The following PPP2R2C variants were observed in gnomAD, a reference collection of about 807,000 sequenced individuals.
PPP2R2C encodes protein phosphatase 2 regulatory subunit Bgamma.
In PPP2R2C, 10 loss-of-function variants were observed where a neutral mutation model predicts 45.3. The ratio of observed to expected loss-of-function variants is 0.22; its 90% CI spans 0.14 to 0.37. The LOEUF is 0.37. Ranked by LOEUF, PPP2R2C falls within the 10% of genes least tolerant of loss-of-function variation. PPP2R2C has a pLI of 1.00. For synonymous variants in PPP2R2C, 257 were observed against 245.4 expected, an observed-to-expected ratio of 1.05 and a Z score of -0.44; for missense variants, 308 against 619.7, an observed-to-expected ratio of 0.50 and a Z score of 5.34.
At chr4:6,384,565 G>A in intron 1 of PPP2R2C, 1 of 979,668 alleles carries the variant, frequency 1.0e-6, no homozygotes, top group Non-Finnish European at 1.2e-6. Flanking sequence ...ATGAGGGTGG[G>A]CATACACACA....
chr4:6,394,999 C>A (rs1259673470), intron 1 of PPP2R2C, among the ~76,000 whole-genome samples: 1 of 152,168 alleles, frequency 6.6e-6, no homozygotes, highest in Non-Finnish European at 1.5e-5. Context: ...CCCCCTCCGC[C>A]CACCTCCCTG....
chr4:6,540,203 T>C (rs1724764673), intron 1 of PPP2R2C, among the ~76,000 whole-genome samples: 1 of 152,146 alleles, frequency 6.6e-6, no homozygotes. Flanking sequence ...AGAAACCACA[T>C]GTTCATTAAT....
Position 6,329,411 on chromosome 4 carries a change from C to A in PPP2R2C, c.961-58G>T, listed in dbSNP as rs1379832120. The A allele has an allele frequency of 6.9e-7, 1 of 1,447,684 alleles. No homozygotes were observed. The highest frequency in any genetic ancestry group is 2.3e-5 in the East Asian group (1 of 44,024). 89.7% of individuals were successfully genotyped at this position (1,447,684 alleles called of 1,614,324 possible). A position where few individuals can be genotyped will look rare whatever the true frequency, so the allele number is the denominator to read the frequency against. ...GGCGTCCCGACCATCCTGGCCCTTCCACAAGAAGGGTCTCAAAGAGCAGCG... is the reference window on the plus strand; with the variant it reads ...GGCGTCCCGACCATCCTGGCCCTTCAACAAGAAGGGTCTCAAAGAGCAGCG... On this transcript the variant is annotated intron_variant, in intron 7 of 8. Coordinates refer to ENST00000382599, the MANE Select transcript of PPP2R2C (RefSeq NM_020416.4). The surrounding 1 kb of genome is among the most constrained non-coding windows in gnomAD (Gnocchi z 5.8).
chr4:6,349,989 T>C (rs1712394085), intron 5 of PPP2R2C: 4 of 985,322 alleles, frequency 4.1e-6, no homozygotes, highest in Non-Finnish European at 3.6e-6. Context: ...AGAAAGCACC[T>C]AAAAGGGTCT....
chr4:6,517,279 G>T (rs1723854445), intron 2 of PPP2R2C, among the ~76,000 whole-genome samples: 1 of 152,144 alleles, frequency 6.6e-6, no homozygotes, highest in South Asian at 2.1e-4. Context: ...CACCATGCTG[G>T]GCACACAACT....
chr4:6,559,766 C>T (rs555214217), intron 1 of PPP2R2C, among the ~76,000 whole-genome samples: 2 of 152,352 alleles, frequency 1.3e-5, no homozygotes, highest in South Asian at 2.1e-4. Context: ...TGAACCAGAA[C>T]GCAGGTCCTC....
At chr4:6,533,969 AC>A (rs777796883) in intron 2 of PPP2R2C, among the ~76,000 whole-genome samples, 12 of 148,238 alleles carry the variant, frequency 8.1e-5, no homozygotes, top group African/African-American at 1.3e-4. Context: ...ACACACACAC[AC>A]CCCAATACAC....
At chr4:6,540,681 C>T (rs1222720269) in intron 1 of PPP2R2C, among the ~76,000 whole-genome samples, 1 of 152,248 alleles carries the variant, frequency 6.6e-6, no homozygotes, top group East Asian at 1.9e-4. Flanking sequence ...CACCATTTCA[C>T]GTTCCCACCA....
intron 5 of PPP2R2C, among the ~76,000 whole-genome samples, chr4:6,356,381 A>C (rs921054262): frequency 6.6e-6 from 1 of 152,206 alleles, no homozygotes; most frequent in African/African-American, 2.4e-5. Flanking sequence ...GGCGAGGAGA[A>C]GCCAATTGCT....
chr4:6,454,121 G>A (rs762101043), intron 1 of PPP2R2C, among the ~76,000 whole-genome samples: 1 of 152,198 alleles, frequency 6.6e-6, no homozygotes, highest in Non-Finnish European at 1.5e-5. Context: ...GGACAAGAGG[G>A]TGTTGCTCAG....
intron 2 of PPP2R2C, among the ~76,000 whole-genome samples, chr4:6,491,831 C>T (rs1173266910): frequency 6.6e-6 from 1 of 152,208 alleles, no homozygotes; most frequent in African/African-American, 2.4e-5. Flanking sequence ...CGATTATAAG[C>T]TTCCTGAGGG....
chr4:6,523,791 A>G (rs1219040416), intron 2 of PPP2R2C, among the ~76,000 whole-genome samples: 3 of 152,264 alleles, frequency 2.0e-5, no homozygotes, highest in Non-Finnish European at 4.4e-5. Context: ...CTTATTCATA[A>G]TGGCCAAACA....
intron 1 of PPP2R2C, among the ~76,000 whole-genome samples, chr4:6,416,082 G>C (rs764843701): frequency 1.6e-5 from 2 of 129,024 alleles, no homozygotes; most frequent in Non-Finnish European, 3.4e-5. Context: ...TTTCTCATGA[G>C]CAATTTAAAC....
chr4:6,456,382 A>C (rs767610339), intron 1 of PPP2R2C, among the ~76,000 whole-genome samples: 7 of 150,752 alleles, frequency 4.6e-5, no homozygotes, highest in Non-Finnish European at 4.4e-5. Flanking sequence ...AAATAAAATT[A>C]AGATCTTCTC....
At chr4:6,453,563 C>T (rs1257418287) in intron 1 of PPP2R2C, among the ~76,000 whole-genome samples, 1 of 151,942 alleles carries the variant, frequency 6.6e-6, no homozygotes, top group African/African-American at 2.4e-5. Context: ...TCATATTCAC[C>T]GAGAATGGTC....
chr4:6,479,241 C>A (rs1646018587), intron 2 of PPP2R2C, among the ~76,000 whole-genome samples: 1 of 152,168 alleles, frequency 6.6e-6, no homozygotes, highest in Admixed American at 6.5e-5. Context: ...GCTAGCTGTC[C>A]TAACCTAGCT....
At chr4:6,518,112 T>C (rs759154417) in intron 2 of PPP2R2C, among the ~76,000 whole-genome samples, 3 of 152,074 alleles carry the variant, frequency 2.0e-5, no homozygotes, top group Non-Finnish European at 2.9e-5. Context: ...TAATTAAAAA[T>C]GAAAACACAA....
intron 6 of PPP2R2C, among the ~76,000 whole-genome samples, chr4:6,339,715 T>G (rs578106366): frequency 1.3e-5 from 2 of 149,278 alleles, no homozygotes; most frequent in South Asian, 2.1e-4. Context: ...TGGGTGGAGG[T>G]GGGAAACATG....
At chr4:6,512,512 TTGG>T (rs1213444911) in intron 2 of PPP2R2C, among the ~76,000 whole-genome samples, 7 of 12,842 alleles carry the variant, frequency 5.5e-4, no homozygotes, top group African/African-American at 8.6e-4. Flanking sequence ...GGTGGTGATG[TTGG>T]TGGTGGTGGT....
Sources: gnomAD v4.1 joint callset for allele counts (sites outside exome capture counted in the v4.1 genomes callset) on GRCh38, gnomAD v4.1.1 for gene constraint, Gnocchi (gnomAD v3.1) non-coding constraint, MANE v1.5 for transcripts, NCBI Gene and HGNC (gene_info 2026-07-23, HGNC 2026-07-21) for gene names.